Variants in CEP128 observed in about 807,000 individuals in gnomAD.
CEP128 encodes centrosomal protein 128.
Under a neutral mutation model 156.7 loss-of-function variants are expected in CEP128, and 132 were observed. The observed-to-expected ratio is 0.84, with a 90% CI of 0.73 to 0.97. CEP128 has a LOEUF of 0.97. Ranked by LOEUF, CEP128 falls within the 50% of genes least tolerant of loss-of-function variation. The probability of loss-of-function intolerance (pLI) is 0.00; values close to 1 mark genes in which losing one functional copy is unlikely to be tolerated. For missense variants in CEP128, 1,252 were observed against 1,281.9 expected (o/e 0.98, Z 0.36); for synonymous variants, 469 against 448.9 (o/e 1.04, Z -0.57).
intron 8 of CEP128, among the ~76,000 whole-genome samples, chr14:80,868,977 G>A (rs1368933711): frequency 6.6e-6 from 1 of 151,960 alleles, no homozygotes; most frequent in Non-Finnish European, 1.5e-5. Flanking sequence ...CCTAATCAGA[G>A]CACCTAAATA....
At chr14:80,642,942 A>C (rs1894483137) in intron 19 of CEP128, among the ~76,000 whole-genome samples, 2 of 151,684 alleles carry the variant, frequency 1.3e-5, no homozygotes, top group South Asian at 4.2e-4. Context: ...TTTTAGTAGA[A>C]GCAGGGTTTC....
chr14:80,684,019 C>T (rs566785426), intron 19 of CEP128, among the ~76,000 whole-genome samples: 55 of 152,048 alleles, frequency 3.6e-4, no homozygotes, highest in Non-Finnish European at 1.3e-4. Flanking sequence ...TTAACAATCT[C>T]ACTTCACACC....
At chr14:80,797,679 A>G (rs1883570116) in intron 13 of CEP128, among the ~76,000 whole-genome samples, 1 of 152,170 alleles carries the variant, frequency 6.6e-6, no homozygotes, top group Admixed American at 6.5e-5. Context: ...GGACTATACT[A>G]CAGAACCCTC....
intron 19 of CEP128, among the ~76,000 whole-genome samples, chr14:80,712,567 G>A (rs1455063387): frequency 7.2e-5 from 11 of 152,080 alleles, no homozygotes; most frequent in Admixed American, 7.2e-4. Context: ...GGTATTCTGG[G>A]GTCCTGAGTA....
intron 20 of CEP128, among the ~76,000 whole-genome samples, chr14:80,571,098 A>G (rs146666965): frequency 6.6e-6 from 1 of 152,290 alleles, no homozygotes; most frequent in East Asian, 1.9e-4. Flanking sequence ...ACAGCACAAG[A>G]AAGGATTGAG....
At chr14:80,812,811 C>A (rs1217245692) in intron 13 of CEP128, among the ~76,000 whole-genome samples, 2 of 152,198 alleles carry the variant, frequency 1.3e-5, no homozygotes, top group Admixed American at 6.5e-5. Context: ...GATCCGCCAA[C>A]CTCAGCCTCC....
chr14:80,936,988 G>A (rs1885843182), intron 2 of CEP128, among the ~76,000 whole-genome samples: 1 of 151,694 alleles, frequency 6.6e-6, no homozygotes. Flanking sequence ...AACCACATTA[G>A]CTTTTCTGGA....
chr14:80,665,262 C>T (rs562141762), intron 19 of CEP128, among the ~76,000 whole-genome samples: 36 of 152,170 alleles, frequency 2.4e-4, no homozygotes, highest in African/African-American at 8.2e-4. Flanking sequence ...AAGAATTTCC[C>T]GATAGCACCA....
chr14:80,911,409 G>A (rs971975084), intron 4 of CEP128, among the ~76,000 whole-genome samples: 2 of 152,210 alleles, frequency 1.3e-5, no homozygotes, highest in African/African-American at 4.8e-5. Context: ...AGGAGGCTGA[G>A]GTAGGAGAAT....
intron 2 of CEP128, among the ~76,000 whole-genome samples, chr14:80,935,004 C>T (rs1184645274): frequency 6.6e-6 from 1 of 152,132 alleles, no homozygotes; most frequent in Non-Finnish European, 1.5e-5. Context: ...ATCCTCATAA[C>T]ATTATTATTA....
chr14:80,839,449 G>A (rs930493974), intron 10 of CEP128, among the ~76,000 whole-genome samples: 4 of 151,956 alleles, frequency 2.6e-5, no homozygotes, highest in African/African-American at 9.7e-5. Flanking sequence ...GTATCCTGAC[G>A]GTGGTAGTGG....
chr14:80,916,599 T>C, intron 2 of CEP128, 37 bp from the exon 3 acceptor site: 1 of 1,511,742 alleles, frequency 6.6e-7, no homozygotes, highest in Non-Finnish European at 9.1e-7. Context: ...AATGAAACAG[T>C]AAAAAGCATG....
chr14:80,900,126 A>C, intron 6 of CEP128, 97 bp from the exon 7 acceptor site: 3 of 727,104 alleles, frequency 4.1e-6, no homozygotes, highest in Non-Finnish European at 6.7e-6. Context: ...TCCTTGCAAT[A>C]ATAACCAGAT....
intron 9 of CEP128, among the ~76,000 whole-genome samples, chr14:80,856,476 T>C (rs1249667934): frequency 2.0e-5 from 3 of 152,024 alleles, no homozygotes; most frequent in Non-Finnish European, 2.9e-5. Flanking sequence ...GAAACCTGTC[T>C]TTACAAAAAA....
intron 13 of CEP128, among the ~76,000 whole-genome samples, chr14:80,828,578 A>G (rs1885614375): frequency 1.3e-5 from 2 of 152,318 alleles, no homozygotes; most frequent in South Asian, 2.1e-4. Flanking sequence ...TACATGGGGG[A>G]AAAAGTTTAG....
chr14:80,842,192 C>A (rs1452087132), intron 9 of CEP128, among the ~76,000 whole-genome samples: 1 of 151,754 alleles, frequency 6.6e-6, no homozygotes, highest in Non-Finnish European at 1.5e-5. Flanking sequence ...TTTTCAATTT[C>A]TCCTTTTACT....
chr14:80,570,530 T>C (rs8007788), intron 20 of CEP128, among the ~76,000 whole-genome samples: 86,202 of 151,972 alleles, frequency 0.57, 24,760 homozygotes, highest in East Asian at 0.72. Flanking sequence ...TTGAAGTCCA[T>C]GTTGTGATTA....
intron 20 of CEP128, among the ~76,000 whole-genome samples, chr14:80,562,130 G>A (rs1890710515): frequency 6.6e-6 from 1 of 151,848 alleles, no homozygotes; most frequent in Admixed American, 6.6e-5. Context: ...GTTTCACCAT[G>A]TTAGCCAGGA....
At chr14:80,715,003 A>C (rs1315510598) in intron 19 of CEP128, among the ~76,000 whole-genome samples, 1 of 152,142 alleles carries the variant, frequency 6.6e-6, no homozygotes, top group African/African-American at 2.4e-5. Flanking sequence ...TGGGCGGATC[A>C]CTTGAGCCCA....
Sources: allele counts gnomAD v4.1 joint callset (sites outside exome capture counted in the v4.1 genomes callset), GRCh38; gene constraint gnomAD v4.1.1; transcripts MANE v1.5; gene names NCBI Gene and HGNC (gene_info 2026-07-23, HGNC 2026-07-21).